The following AGO2 variants were observed in gnomAD, a reference collection of about 807,000 sequenced individuals.
AGO2 encodes argonaute RISC catalytic component 2.
AGO2 carries 5 observed loss-of-function variants against 102.3 expected under a neutral mutation model. The observed-to-expected ratio is 0.05, with a 90% confidence interval of 0.03 to 0.10. The LOEUF (loss-of-function observed/expected upper bound fraction) is 0.10, where lower values mean the gene tolerates loss of function less well. Among genes scored for constraint, AGO2 ranks in the 10% least tolerant of loss-of-function variants. The pLI is 1.00. For synonymous variants in AGO2, 449 were observed against 473.1 expected, an observed-to-expected ratio of 0.95 and a Z score of 0.66; for missense variants, 541 against 1,183.7, an observed-to-expected ratio of 0.46 and a Z score of 7.97.
intron 3 of AGO2, among the ~76,000 whole-genome samples, chr8:140,568,025 C>T (rs2073316156): frequency 1.3e-5 from 2 of 149,650 alleles, no homozygotes; most frequent in South Asian, 4.2e-4. Flanking sequence ...TTTGGGAGGC[C>T]CAGGCAGGTG....
chr8:140,625,734 G>A (rs2074267855), intron 1 of AGO2, among the ~76,000 whole-genome samples: 1 of 152,174 alleles, frequency 6.6e-6, no homozygotes, highest in Admixed American at 6.5e-5. Context: ...GTCCTGGAAT[G>A]GCCAGGCTAT....
chr8:140,567,752 G>A lies in AGO2; in HGVS notation c.336+5060C>T, dbSNP rs760750656. 3.2e-4 allele frequency among the ~76,000 whole-genome samples: 49 copies of A among 152,208 alleles called. No homozygotes were observed. The highest frequency in any genetic ancestry group is 2.4e-4 in the Non-Finnish European group (16 of 68,032). ...CTCCCTGTCCGGAAATCCTCAGGGC[G>A]AGAGAAGTAGGACTGTCATGGGGTG... is the stretch of plus-strand genomic sequence containing the variant. On this transcript the variant is annotated intron_variant, in intron 3 of 18. Coordinates refer to ENST00000220592, the MANE Select transcript of AGO2 (RefSeq NM_012154.5). This position sits in a 1 kb window ranked among gnomAD's most constrained non-coding sequence, Gnocchi z 5.0.
chr8:140,595,631 ATATATATATTATTTATATGCCAGGC>A (rs1404494304), intron 1 of AGO2, among the ~76,000 whole-genome samples: 17 of 134,262 alleles, frequency 1.3e-4, no homozygotes, highest in African/African-American at 4.4e-4. Context: ...TATATATATT[ATATATATATTATTTATATGCCAGGC>A]TATATATATT....
At position 140,559,948 on chromosome 8, in the gene AGO2, C is replaced by T. The variant is rs141698216; in HGVS notation, c.656-419G>A. Among the ~76,000 whole-genome samples, 158 of 152,322 alleles carry T rather than the reference C, an allele frequency of 1.0e-3. 2 individuals are homozygous for T. The highest frequency in any genetic ancestry group is 3.5e-3 in the Admixed American group (54 of 15,306). ...TAGAGCTTTTCATAATAATCAGCTCCCAAATGAGAAGACAGATCCTTTTCG... is the reference window on the plus strand; with the variant it reads ...TAGAGCTTTTCATAATAATCAGCTCTCAAATGAGAAGACAGATCCTTTTCG... On this transcript the variant is annotated intron_variant, in intron 5 of 18. Coordinates refer to ENST00000220592, the MANE Select transcript of AGO2 (RefSeq NM_012154.5).
chr8:140,597,474 A>ACCCCCCC (rs1163320106), intron 1 of AGO2, among the ~76,000 whole-genome samples: 5 of 45,220 alleles, frequency 1.1e-4, no homozygotes, highest in East Asian at 5.5e-4. Context: ...TGGCCCCCCC[A>ACCCCCCC]CCCCCCCCCC....
chr8:140,535,371 A>T, intron 17 of AGO2, 97 bp downstream of exon 17: 1 of 1,308,602 alleles, frequency 7.6e-7, no homozygotes, highest in African/African-American at 1.5e-5. Flanking sequence ...CCCTCACACC[A>T]CATCCCACGT....
intron 1 of AGO2, among the ~76,000 whole-genome samples, chr8:140,617,382 G>A (rs1042905532): frequency 6.6e-6 from 1 of 152,094 alleles, no homozygotes; most frequent in African/African-American, 2.4e-5. Context: ...CTCCTGAATA[G>A]CTGGGACTAC....
chr8:140,574,099 T>C (rs2073427135), intron 2 of AGO2, among the ~76,000 whole-genome samples: 1 of 151,630 alleles, frequency 6.6e-6, no homozygotes, highest in Admixed American at 6.6e-5. Context: ...TCTGCAGGGC[T>C]CCATGAGCAG....
Position 140,532,484 on chromosome 8 carries a change from C to T in AGO2, c.2403G>A (p.Ala801=), listed in dbSNP as rs774507490. 12 of 1,614,138 alleles carry T rather than the reference C, an allele frequency of 7.4e-6. No individual in the cohort carries two copies. The highest frequency in any genetic ancestry group is 1.6e-4 in the Middle Eastern group (1 of 6,082). Reference sequence around the variant, plus strand: ...CCACCAGGTGAGCGTAGTATGCTGGCGCTGGGATGGACACGGAGCGTGTGC... The same window carrying T: ...CCACCAGGTGAGCGTAGTATGCTGGTGCTGGGATGGACACGGAGCGTGTGC... ...VRCTRSVSIP[A]PAYYAHLVAF... The change falls in exon 18 of 19, where the codon GCG becomes GCA. Residue 801 remains alanine (A), a synonymous_variant. Coordinates refer to ENST00000220592, the MANE Select transcript of AGO2 (RefSeq NM_012154.5).
chr8:140,635,544 C>CCGCG lies in AGO2; in HGVS notation c.-42_-39dup, dbSNP rs938177664. ...GAGGGGCTCCGGGGCCGAGGGGCGG[C>CCGCG]CGCGCGCGCGCCACGGGCCCCGACG... is the stretch of plus-strand genomic sequence containing the variant. On this transcript the variant is annotated 5_prime_UTR_variant, in exon 1 of 19. Transcript: ENST00000220592. The CCGCG allele has an allele frequency of 2.7e-5, 26 of 978,630 alleles. No homozygotes were observed. The highest frequency in any genetic ancestry group is 1.2e-4 in the East Asian group (1 of 8,582). 60.6% of individuals were successfully genotyped at this position (978,630 alleles called of 1,614,324 possible). A position where few individuals can be genotyped will look rare whatever the true frequency, so the allele number is the denominator to read the frequency against.
At position 140,595,506 on chromosome 8, in the gene AGO2, C is replaced by T. The variant is rs199945464; in HGVS notation, c.23-10195G>A. On this transcript the variant is annotated intron_variant, in intron 1 of 18. Transcript: ENST00000220592. The stretch of plus-strand genomic sequence containing the variant: ...ATGAGACAGAATCTCACTCTGTTGC[C>T]GAAGCTGAAGTGCAGTGGTGCGATC... Among the ~76,000 whole-genome samples, 6 of 148,700 alleles carry T rather than the reference C, an allele frequency of 4.0e-5. No individual in the cohort carries two copies. In the East Asian group the frequency reaches 5.9e-4, roughly 15 times the overall value.
chr8:140,623,605 T>C, intron 1 of AGO2, among the ~76,000 whole-genome samples: 1 of 152,088 alleles, frequency 6.6e-6, no homozygotes, highest in African/African-American at 2.4e-5. Context: ...GGTGCCGTCT[T>C]GCTGCGTGCC....
chr8:140,631,150 C>CA (rs544426513), intron 1 of AGO2, among the ~76,000 whole-genome samples: 2 of 149,850 alleles, frequency 1.3e-5, no homozygotes, highest in Admixed American at 6.6e-5. Flanking sequence ...AAACGGAGCC[C>CA]AAAAAACAAA....
chr8:140,585,290 G>A lies in AGO2; in HGVS notation c.44C>T (p.Pro15Leu), dbSNP rs754981974. The A allele has an allele frequency of 5.1e-5, 83 of 1,613,896 alleles. No homozygotes were observed. The highest frequency in any genetic ancestry group is 6.7e-5 in the East Asian group (3 of 44,864). Residue 15 changes from proline to leucine, a missense_variant, in exon 2 of 19, where the codon CCG becomes CTG. Physicochemically the swap from Pro to Leu is moderately conservative, Grantham distance 98. Around this residue, in one of 6 missense-constraint regions of AGO2, gnomAD observed 147 missense variants for 204.1 expected, o/e 0.72. Transcript: ENST00000220592. Reference sequence around the variant, plus strand: ...GAAGGCATATCCTTGGATGGGGGGCGGCGGCGCAGGAGGTGCAAGTGCTGG... The same window carrying A: ...GAAGGCATATCCTTGGATGGGGGGCAGCGGCGCAGGAGGTGCAAGTGCTGG... Reference protein sequence around the residue: ...AGPALAPPAPPPPIQGYAFKP... With the variant: ...AGPALAPPAPLPPIQGYAFKP...
At chr8:140,583,366 C>T (rs73362349) in intron 2 of AGO2, among the ~76,000 whole-genome samples, 2,105 of 152,302 alleles carry the variant, frequency 0.014, 31 homozygotes, top group Middle Eastern at 0.037. Context: ...CCTCTCATAT[C>T]TATAGATATA....
intron 1 of AGO2, among the ~76,000 whole-genome samples, chr8:140,588,391 A>G (rs2073690886): frequency 6.7e-6 from 1 of 148,628 alleles, no homozygotes; most frequent in South Asian, 2.2e-4. Context: ...TGTTTGCACT[A>G]TACTGTAGTC....
rs2073403785 is a variant in AGO2, at chr8:140,572,862, C to T, written c.286G>A (p.Gly96Ser). Residue 96 changes from glycine to serine, a missense_variant, in exon 3 of 19, where the codon GGC becomes AGC. Gly to Ser is a moderately conservative substitution (Grantham distance 56). Coordinates refer to ENST00000220592, the MANE Select transcript of AGO2 (RefSeq NM_012154.5). ...ATGGCTGTGTATAGATTCTTCCTGC[C>T]GTCAAACACGGGCTTCCGATCCCCA... ...IFGDRKPVFD[G>S]RKNLYTAMPL... The T allele has an allele frequency of 6.2e-7, 1 of 1,613,968 alleles. No individual in the cohort carries two copies. Among genetic ancestry groups the T allele is most frequent in the Non-Finnish European group, 8.5e-7 (1 of 1,180,018 alleles).
intron 3 of AGO2, among the ~76,000 whole-genome samples, chr8:140,571,640 A>G (rs1256782697): frequency 6.6e-6 from 1 of 152,230 alleles, no homozygotes; most frequent in Non-Finnish European, 1.5e-5. Flanking sequence ...CTCAGGGTTT[A>G]AAAAGCAAAC....
At chr8:140,584,954 C>A (rs758394748) in intron 2 of AGO2, among the ~76,000 whole-genome samples, 165 bp downstream of exon 2, 1 of 151,786 alleles carries the variant, frequency 6.6e-6, no homozygotes, top group Non-Finnish European at 1.5e-5. Context: ...TTTTTTCAAT[C>A]CGTAGGTTTG....
Sources: gnomAD v4.1 joint callset for allele counts (sites outside exome capture counted in the v4.1 genomes callset) on GRCh38, gnomAD v4.1.1 for gene constraint, gnomAD v4.1.1 regional missense constraint, Gnocchi (gnomAD v3.1) non-coding constraint, MANE v1.5 for transcripts, NCBI Gene and HGNC (gene_info 2026-07-23, HGNC 2026-07-21) for gene names.